APBB2: variants seen among roughly 807,000 people sequenced by gnomAD.
APBB2 encodes the protein amyloid beta precursor protein binding family B member 2, also known as Fe65-like 1.
A neutral mutation model predicts 82.5 loss-of-function variants in APBB2; 38 were observed. The observed-to-expected ratio is 0.46, with a 90% CI of 0.36 to 0.60. The LOEUF (loss-of-function observed/expected upper bound fraction) is 0.60, where lower values mean the gene tolerates loss of function less well. Among genes scored for constraint, APBB2 ranks in the 20% least tolerant of loss-of-function variants. APBB2 has a pLI of 0.00. For missense variants in APBB2, 772 were observed against 972.3 expected (o/e 0.79, Z 2.74); for synonymous variants, 341 against 368.2 (o/e 0.93, Z 0.85).
At chr4:40,863,891 C>CA (rs60135616) in intron 12 of APBB2, among the ~76,000 whole-genome samples, 965 of 32,712 alleles carry the variant, frequency 0.029, 88 homozygotes, top group African/African-American at 0.062. Flanking sequence ...GAGACTGTCT[C>CA]AAAAAAAAAA....
chr4:40,991,024 T>TTTTTTTTTTTTTTTG, intron 6 of APBB2, among the ~76,000 whole-genome samples: 1 of 150,692 alleles, frequency 6.6e-6, no homozygotes. Context: ...TTTTTTTTTT[T>TTTTTTTTTTTTTTTG]TGGAGGCAAG....
At chr4:40,981,749 G>A (rs939706265) in intron 6 of APBB2, among the ~76,000 whole-genome samples, 1 of 152,114 alleles carries the variant, frequency 6.6e-6, no homozygotes, top group African/African-American at 2.4e-5. Flanking sequence ...TTACATTCTT[G>A]TTTGGGGGCT....
chr4:41,056,895 C>G (rs1426223801), intron 4 of APBB2, among the ~76,000 whole-genome samples: 1 of 152,200 alleles, frequency 6.6e-6, no homozygotes, highest in East Asian at 1.9e-4. Context: ...AGGATGGCAG[C>G]AGGTATGCCT....
chr4:40,984,870 G>A (rs1409200054), intron 6 of APBB2, among the ~76,000 whole-genome samples: 2 of 151,878 alleles, frequency 1.3e-5, no homozygotes, highest in Non-Finnish European at 2.9e-5. Flanking sequence ...ACACCCTCTT[G>A]GTGAACACCG....
chr4:41,167,328 G>A (rs1037467323), intron 1 of APBB2, among the ~76,000 whole-genome samples: 5 of 152,068 alleles, frequency 3.3e-5, no homozygotes, highest in African/African-American at 9.7e-5. Context: ...CATCTCCCTC[G>A]AGGTCTGAAA....
chr4:41,030,701 G>A (rs192429429), intron 5 of APBB2, among the ~76,000 whole-genome samples: 2 of 151,752 alleles, frequency 1.3e-5, no homozygotes, highest in Non-Finnish European at 1.5e-5. Context: ...TATTGGTTTA[G>A]GTGAAAAAAA....
chr4:41,203,013 C>CTGTT (rs1777069772), intron 1 of APBB2, among the ~76,000 whole-genome samples: 2 of 151,886 alleles, frequency 1.3e-5, no homozygotes, highest in Admixed American at 6.6e-5. Context: ...AATGAAAATC[C>CTGTT]TGTTTTCTTT....
At chr4:41,080,506 A>G (rs894616291) in intron 3 of APBB2, among the ~76,000 whole-genome samples, 9 of 152,196 alleles carry the variant, frequency 5.9e-5, no homozygotes, top group African/African-American at 2.2e-4. Context: ...AGCTGTACAC[A>G]ACAAGATCAT....
chr4:41,151,498 C>T (rs1245334563), intron 1 of APBB2, among the ~76,000 whole-genome samples: 1 of 152,090 alleles, frequency 6.6e-6, no homozygotes, highest in Non-Finnish European at 1.5e-5. Context: ...GCATCTCAGC[C>T]CTTCCTCCTG....
chr4:41,121,892 G>T (rs13103875), intron 2 of APBB2, among the ~76,000 whole-genome samples: 34,189 of 151,230 alleles, frequency 0.23, 4,063 homozygotes, highest in African/African-American at 0.26. Context: ...TCCTTTTTTG[G>T]TTGTGTGTGT....
In APBB2 at chr4:41,017,645, A is replaced by G. The variant is rs546186320; in HGVS notation, c.20-3247T>C. On this transcript the variant is annotated intron_variant, in intron 5 of 17. Transcript: ENST00000508593. ...TCCACTCACCACTTTGTACGAGTTT[A>G]TAACAATAAATGTGAGCTCCACTCA... Among the ~76,000 whole-genome samples the G allele has an allele frequency of 6.0e-4, 91 of 152,252 alleles. No homozygotes were observed. In the South Asian group the frequency reaches 0.017, roughly 28 times the overall value.
At chr4:41,017,011 C>G (rs1216002664) in intron 5 of APBB2, among the ~76,000 whole-genome samples, 1 of 152,056 alleles carries the variant, frequency 6.6e-6, no homozygotes, top group Non-Finnish European at 1.5e-5. Context: ...ATCTTCCTAC[C>G]TCAGCCTCCT....
Position 41,132,642 on chromosome 4 carries a change from G to A in APBB2, c.-261+10345C>T, listed in dbSNP as rs115025033. On this transcript the variant is annotated intron_variant, in intron 2 of 17. Coordinates refer to ENST00000508593, the MANE Select transcript of APBB2 (RefSeq NM_004307.2). ...ACACTTCAGCAAGATTGAATTCATT[G>A]TCCTTCAAATTACATTTAGGAAATA... Among the ~76,000 whole-genome samples the A allele has an allele frequency of 5.6e-3, 858 of 152,284 alleles. 8 individuals are homozygous for A. The highest frequency in any genetic ancestry group is 0.018 in the African/African-American group (745 of 41,564).
intron 5 of APBB2, among the ~76,000 whole-genome samples, chr4:41,026,547 C>T (rs1255360064): frequency 6.6e-6 from 1 of 152,136 alleles, no homozygotes; most frequent in East Asian, 1.9e-4. Flanking sequence ...TTTTTGTGAA[C>T]TTGGTGATGA....
At chr4:40,818,418 C>A (rs1414087034) in intron 17 of APBB2, among the ~76,000 whole-genome samples, 1 of 152,222 alleles carries the variant, frequency 6.6e-6, no homozygotes, top group Non-Finnish European at 1.5e-5. Flanking sequence ...AGATAAAACT[C>A]ATTGTCGTTA....
chr4:40,898,944 A>G (rs1333524112), intron 10 of APBB2, among the ~76,000 whole-genome samples: 2 of 152,116 alleles, frequency 1.3e-5, no homozygotes, highest in Admixed American at 6.5e-5. Context: ...CCAAGAATCT[A>G]TATCTCTAAC....
intron 1 of APBB2, among the ~76,000 whole-genome samples, chr4:41,156,289 GC>G (rs1438712915): frequency 2.0e-5 from 3 of 152,118 alleles, no homozygotes; most frequent in Admixed American, 2.0e-4. Flanking sequence ...AATAAATGTA[GC>G]TAAAAATACA....
At chr4:41,060,924 T>A (rs1729586579) in intron 4 of APBB2, among the ~76,000 whole-genome samples, 1 of 152,030 alleles carries the variant, frequency 6.6e-6, no homozygotes, top group Non-Finnish European at 1.5e-5. Flanking sequence ...ACAATAACGA[T>A]CATTCATCAT....
intron 1 of APBB2, among the ~76,000 whole-genome samples, chr4:41,187,599 A>G (rs1773245622): frequency 6.6e-6 from 1 of 152,220 alleles, no homozygotes; most frequent in Non-Finnish European, 1.5e-5. Context: ...TCATTTGCAA[A>G]AAAGAATACT....
Sources: allele counts gnomAD v4.1 joint callset (sites outside exome capture counted in the v4.1 genomes callset), GRCh38; gene constraint gnomAD v4.1.1; transcripts MANE v1.5; gene names NCBI Gene and HGNC (gene_info 2026-07-23, HGNC 2026-07-21).